BACH2: variants seen among roughly 807,000 people sequenced by gnomAD.
BACH2 encodes the protein BACH transcriptional regulator 2.
In BACH2, 5 loss-of-function variants were observed where a neutral mutation model predicts 61.8. That is an observed-to-expected ratio of 0.08 (90% confidence interval 0.04 to 0.17). The LOEUF is 0.17. BACH2 is among the 10% of genes least tolerant of loss of function. The pLI, the probability that BACH2 is intolerant of heterozygous loss-of-function variation, is 1.00. For synonymous variants in BACH2, 446 were observed against 440.1 expected, an observed-to-expected ratio of 1.01 and a Z score of -0.17; for missense variants, 824 against 1,091.1, an observed-to-expected ratio of 0.76 and a Z score of 3.45.
chr6:90,111,883 T>C (rs1375278113), intron 4 of BACH2, among the ~76,000 whole-genome samples: 2 of 152,170 alleles, frequency 1.3e-5, no homozygotes. Flanking sequence ...ACACATCAGG[T>C]GATTAATTAG....
chr6:89,947,350 G>A (rs891904186), intron 7 of BACH2, among the ~76,000 whole-genome samples: 1 of 152,076 alleles, frequency 6.6e-6, no homozygotes, highest in East Asian at 1.9e-4. Flanking sequence ...TCAACTCCTC[G>A]AGCAGCAGTC....
chr6:90,042,202 T>G (rs1400759555), intron 5 of BACH2, among the ~76,000 whole-genome samples: 1 of 152,178 alleles, frequency 6.6e-6, no homozygotes, highest in Non-Finnish European at 1.5e-5. Flanking sequence ...TTTTTATTTT[T>G]ATTTTTTTGA....
intron 1 of BACH2, among the ~76,000 whole-genome samples, chr6:90,290,562 G>A (rs1048989134): frequency 6.6e-6 from 1 of 152,120 alleles, no homozygotes; most frequent in South Asian, 2.1e-4. Flanking sequence ...GAAGAATACA[G>A]GATAGGAAAA....
intron 5 of BACH2, among the ~76,000 whole-genome samples, chr6:90,088,030 C>T (rs971705948): frequency 1.3e-5 from 2 of 151,614 alleles, no homozygotes; most frequent in Admixed American, 6.6e-5. Flanking sequence ...CTGCCCCCAA[C>T]CCCCACTACC....
At chr6:90,062,445 G>C (rs6923165) in intron 5 of BACH2, among the ~76,000 whole-genome samples, 66,432 of 151,750 alleles carry the variant, frequency 0.44, 17,062 homozygotes, top group East Asian at 0.82. Context: ...GTTTGGTCTC[G>C]TATCCACTTT....
At chr6:90,125,075 GTTGT>G (rs1358076064) in intron 4 of BACH2, among the ~76,000 whole-genome samples, 1 of 151,976 alleles carries the variant, frequency 6.6e-6, no homozygotes, top group Non-Finnish European at 1.5e-5. Context: ...AGTTATTTTG[GTTGT>G]TTAAAATAAC....
intron 6 of BACH2, among the ~76,000 whole-genome samples, chr6:89,971,226 A>G (rs576488145): frequency 6.6e-6 from 1 of 152,322 alleles, no homozygotes; most frequent in South Asian, 2.1e-4. Flanking sequence ...CAGATCAGTG[A>G]GTTTCAGTGA....
rs1048009686 is a variant in BACH2, at chr6:89,979,310, C to A, written c.244-27448G>T. Among the ~76,000 whole-genome samples, 82 of 152,280 alleles carry A rather than the reference C, an allele frequency of 5.4e-4. 1 individual carries two copies. Among genetic ancestry groups the A allele is most frequent in the Admixed American group, 1.1e-3 (17 of 15,300 alleles). The stretch of plus-strand genomic sequence containing the variant: ...TAAATGATCTCTTTCATTTATTTGA[C>A]AAACATTCACCAAATGGCTATTGTG... On this transcript the variant is annotated intron_variant, in intron 6 of 8. Transcript: ENST00000257749.
chr6:90,079,790 C>T (rs1582323888), intron 5 of BACH2, among the ~76,000 whole-genome samples: 1 of 152,100 alleles, frequency 6.6e-6, no homozygotes, highest in African/African-American at 2.4e-5. Context: ...TTCTGGGCCA[C>T]CCACACTGCC....
intron 4 of BACH2, among the ~76,000 whole-genome samples, chr6:90,098,721 C>T (rs1386528474): frequency 6.6e-6 from 1 of 152,202 alleles, no homozygotes; most frequent in Non-Finnish European, 1.5e-5. Flanking sequence ...TCTTTGTCTA[C>T]AAGCCCCTGT....
intron 6 of BACH2, among the ~76,000 whole-genome samples, chr6:89,981,133 CTT>C (rs35955706): frequency 4.5e-4 from 62 of 138,908 alleles, no homozygotes; most frequent in African/African-American, 3.9e-4. Flanking sequence ...TCGTGATTCG[CTT>C]TTTTTTTTTT....
rs1562301150 is a variant in BACH2, at chr6:89,931,697, A to G, written c.*711T>C. The G allele has an allele frequency of 1.3e-5, 2 of 152,624 alleles. No homozygotes were observed. Among genetic ancestry groups the G allele is most frequent in the African/African-American group, 4.8e-5 (2 of 41,424 alleles). 9.5% of individuals were successfully genotyped at this position (152,624 alleles called of 1,614,324 possible). On this transcript the variant is annotated 3_prime_UTR_variant, in exon 9 of 9. Transcript: ENST00000257749. ...GGAGGTGCCAAAACCAAACCAAACG[A>G]AAAAGAAATCTGAAATAAAACCTTG...
intron 4 of BACH2, among the ~76,000 whole-genome samples, chr6:90,114,308 T>C (rs1462347236): frequency 2.6e-5 from 4 of 152,052 alleles, no homozygotes; most frequent in African/African-American, 9.7e-5. Context: ...CATCAAAAAA[T>C]GAATCCACCA....
intron 3 of BACH2, among the ~76,000 whole-genome samples, chr6:90,216,749 T>C (rs1769551681): frequency 6.6e-6 from 1 of 152,216 alleles, no homozygotes; most frequent in South Asian, 2.1e-4. Context: ...GCAGAAGTTC[T>C]GAACCAGAGT....
intron 8 of BACH2, among the ~76,000 whole-genome samples, chr6:89,936,656 T>A (rs909140134): frequency 3.3e-5 from 5 of 152,166 alleles, no homozygotes; most frequent in Non-Finnish European, 5.9e-5. Flanking sequence ...TTGTTGGTGA[T>A]GGGAGCTGCT....
At chr6:90,286,488 T>G (rs1226966092) in intron 1 of BACH2, among the ~76,000 whole-genome samples, 2 of 152,206 alleles carry the variant, frequency 1.3e-5, no homozygotes, top group Non-Finnish European at 2.9e-5. Context: ...CTAGGATTCC[T>G]TGATAGTCCG....
chr6:90,081,170 T>C (rs893269007), intron 5 of BACH2, among the ~76,000 whole-genome samples: 1 of 152,190 alleles, frequency 6.6e-6, no homozygotes, highest in Non-Finnish European at 1.5e-5. Flanking sequence ...TAGTGTGTTC[T>C]TGAATTTATA....
In BACH2 at chr6:90,164,859, A is replaced by G. The variant is rs1767550956; in HGVS notation, c.-162+41710T>C. The stretch of plus-strand genomic sequence containing the variant: ...GCAGAAAAGGCCTTTGACAAAATTC[A>G]ACAACGCTTCATGCTAAAAACTCTC... On this transcript the variant is annotated intron_variant, in intron 4 of 8. Transcript: ENST00000257749. Among the ~76,000 whole-genome samples the G allele has an allele frequency of 2.0e-5, 3 of 152,240 alleles. No individual in the cohort carries two copies. In the South Asian group the frequency reaches 6.2e-4, roughly 32 times the overall value.
In BACH2 at chr6:89,953,313, A is replaced by C. The variant is rs1043739986; in HGVS notation, c.244-1451T>G. On this transcript the variant is annotated intron_variant, in intron 6 of 8. Coordinates refer to ENST00000257749, the MANE Select transcript of BACH2 (RefSeq NM_021813.4). ...GATGAGGAGACGTGCTGGATTCTCC[A>C]GGGCAGCACTGATTTCATATCATTG... is the stretch of plus-strand genomic sequence containing the variant. The C allele has an allele frequency of 3.9e-5, 6 of 152,356 alleles. No individual in the cohort carries two copies. The East Asian group carries it at 9.6e-4, about 24-fold the overall frequency. The allele number at this position is 152,356 out of a possible 1,614,324, so 9.4% of individuals were successfully genotyped here. A position where few individuals can be genotyped will look rare whatever the true frequency, so the allele number is the denominator to read the frequency against.
Sources: gnomAD v4.1 joint callset for allele counts (sites outside exome capture counted in the v4.1 genomes callset) on GRCh38, gnomAD v4.1.1 for gene constraint, MANE v1.5 for transcripts, NCBI Gene and HGNC (gene_info 2026-07-23, HGNC 2026-07-21) for gene names.